The following DENND1A variants were observed in gnomAD, a reference collection of about 807,000 sequenced individuals.
The protein encoded by DENND1A is DENN domain-containing protein 1A.
In DENND1A, 51 loss-of-function variants were observed where a neutral mutation model predicts 113.7. The ratio of observed to expected loss-of-function variants is 0.45; its 90% CI spans 0.36 to 0.57. The LOEUF (loss-of-function observed/expected upper bound fraction) is 0.57, where lower values mean the gene tolerates loss of function less well. DENND1A is among the 20% of genes least tolerant of loss of function. The pLI, the probability that DENND1A is intolerant of heterozygous loss-of-function variation, is 0.00. For synonymous variants in DENND1A, 565 were observed against 570.8 expected (o/e 0.99, Z 0.14); for missense variants, 1,258 against 1,395.9 (o/e 0.90, Z 1.57).
At chr9:123,401,807 A>G in intron 21 of DENND1A, 1 of 1,614,216 alleles carries the variant, frequency 6.2e-7, no homozygotes, top group Non-Finnish European at 8.5e-7. Flanking sequence ...GCAACGGCGT[A>G]AGTCAATGTG....
chr9:123,896,538 A>G (rs1850790190), intron 1 of DENND1A, among the ~76,000 whole-genome samples: 1 of 152,140 alleles, frequency 6.6e-6, no homozygotes, highest in South Asian at 2.1e-4. Context: ...CATAAATAAG[A>G]ACCTCAGAAA....
At chr9:123,802,830 G>A (rs1259197429) in intron 2 of DENND1A, among the ~76,000 whole-genome samples, 1 of 151,960 alleles carries the variant, frequency 6.6e-6, no homozygotes, top group Non-Finnish European at 1.5e-5. Context: ...AGCCTCCCAA[G>A]TAGCTGGGAT....
At chr9:123,704,486 T>C (rs1369896880) in intron 5 of DENND1A, among the ~76,000 whole-genome samples, 2 of 152,178 alleles carry the variant, frequency 1.3e-5, no homozygotes, top group African/African-American at 2.4e-5. Flanking sequence ...GCAATCCAAA[T>C]TCACCCATCG....
chr9:123,638,198 C>A (rs1237079369), intron 9 of DENND1A, among the ~76,000 whole-genome samples: 1 of 152,054 alleles, frequency 6.6e-6, no homozygotes, highest in East Asian at 1.9e-4. Context: ...ACTAAAACTG[C>A]CAGAGAAAAG....
chr9:123,876,653 G>A (rs182170159), intron 2 of DENND1A, among the ~76,000 whole-genome samples: 54 of 152,216 alleles, frequency 3.5e-4, no homozygotes, highest in African/African-American at 1.1e-3. Context: ...AAGAGCATAC[G>A]CACTGGACTG....
intron 7 of DENND1A, among the ~76,000 whole-genome samples, chr9:123,669,738 G>A (rs1488590655): frequency 1.3e-5 from 2 of 152,078 alleles, no homozygotes; most frequent in Non-Finnish European, 2.9e-5. Context: ...ACTGGGGCAG[G>A]TTTAAAGCTC....
Position 123,881,285 on chromosome 9 carries a change from C to G in DENND1A, c.18-2264G>C, listed in dbSNP as rs116844212. On this transcript the variant is annotated intron_variant, in intron 1 of 23. Transcript: ENST00000394215. ...ATCTTGGCATCTTTGGCATATGGGA[C>G]CAAATATTTGTGGAAAATACCATAT... Among the ~76,000 whole-genome samples, 405 of 152,076 alleles carry G rather than the reference C, an allele frequency of 2.7e-3. 1 individual carries two copies. Among genetic ancestry groups the G allele is most frequent in the Non-Finnish European group, 4.7e-3 (321 of 67,994 alleles).
intron 11 of DENND1A, among the ~76,000 whole-genome samples, chr9:123,602,388 G>T (rs1269320357): frequency 6.6e-6 from 1 of 151,580 alleles, no homozygotes; most frequent in Non-Finnish European, 1.5e-5. Flanking sequence ...AAATATTTTT[G>T]ATCTGTGGTT....
chr9:123,577,034 A>C (rs2136520965), intron 12 of DENND1A, among the ~76,000 whole-genome samples: 1 of 152,268 alleles, frequency 6.6e-6, no homozygotes, highest in Non-Finnish European at 1.5e-5. Context: ...AAATTGAAAA[A>C]AAAATCAGCT....
At chr9:123,600,385 C>T (rs957263110) in intron 11 of DENND1A, among the ~76,000 whole-genome samples, 2 of 152,126 alleles carry the variant, frequency 1.3e-5, no homozygotes, top group Non-Finnish European at 2.9e-5. Flanking sequence ...GGGGCAACTA[C>T]CTATTTTACC....
At chr9:123,587,021 T>C (rs1018194285) in intron 11 of DENND1A, among the ~76,000 whole-genome samples, 5 of 151,586 alleles carry the variant, frequency 3.3e-5, no homozygotes, top group African/African-American at 9.7e-5. Context: ...ATCGGCAGGT[T>C]GAGAAATAAT....
At chr9:123,476,404 C>T (rs770801537) in intron 13 of DENND1A, among the ~76,000 whole-genome samples, 1 of 152,160 alleles carries the variant, frequency 6.6e-6, no homozygotes, top group Non-Finnish European at 1.5e-5. Context: ...AGTCTCCAGC[C>T]TTCCATGGTG....
At chr9:123,392,291 A>C (rs977012400) in intron 21 of DENND1A, among the ~76,000 whole-genome samples, 2 of 152,218 alleles carry the variant, frequency 1.3e-5, no homozygotes, top group African/African-American at 4.8e-5. Flanking sequence ...ACGCTGGCCC[A>C]AAATGAAATG....
At chr9:123,636,254 C>A (rs2061693102) in intron 9 of DENND1A, among the ~76,000 whole-genome samples, 1 of 152,140 alleles carries the variant, frequency 6.6e-6, no homozygotes, top group African/African-American at 2.4e-5. Context: ...TAGATGACCC[C>A]AGGTGACCAG....
chr9:123,702,081 G>A (rs2065915928), intron 5 of DENND1A, among the ~76,000 whole-genome samples: 1 of 151,926 alleles, frequency 6.6e-6, no homozygotes, highest in African/African-American at 2.4e-5. Flanking sequence ...TAAGTGACCA[G>A]AATTAGAAAT....
In DENND1A at chr9:123,466,852, C is replaced by T. The variant is rs572484619; in HGVS notation, c.994-8955G>A. On this transcript the variant is annotated intron_variant, in intron 13 of 23. Coordinates refer to ENST00000394215, the MANE Select transcript of DENND1A (RefSeq NM_001352964.2). Reference sequence around the variant, plus strand: ...GAGTTTGAGACCAGCCTGGGCAACACAGAGAGACCCCGTCTAGACCCCATC... The same window carrying T: ...GAGTTTGAGACCAGCCTGGGCAACATAGAGAGACCCCGTCTAGACCCCATC... Among the ~76,000 whole-genome samples, 9 of 148,576 alleles carry T rather than the reference C, an allele frequency of 6.1e-5. No individual in the cohort carries two copies. The South Asian group carries it at 1.9e-3, about 32-fold the overall frequency.
chr9:123,415,418 G>C (rs947574224), intron 19 of DENND1A, among the ~76,000 whole-genome samples: 1 of 152,162 alleles, frequency 6.6e-6, no homozygotes, highest in African/African-American at 2.4e-5. Context: ...GCGCATTGAA[G>C]ACCCTCCACC....
At chr9:123,837,264 A>C (rs1841174454) in intron 2 of DENND1A, among the ~76,000 whole-genome samples, 1 of 152,172 alleles carries the variant, frequency 6.6e-6, no homozygotes, top group East Asian at 1.9e-4. Context: ...CACTACATTC[A>C]CAGACACCAG....
chr9:123,794,616 A>G lies in DENND1A; in HGVS notation c.89-1986T>C, dbSNP rs552207688. On this transcript the variant is annotated intron_variant, in intron 2 of 23. Coordinates refer to ENST00000394215, the MANE Select transcript of DENND1A (RefSeq NM_001352964.2). The stretch of plus-strand genomic sequence containing the variant: ...AAACAAAACCAAAGACTACTTTTCT[A>G]TCACCATTTTGTGAAAGACTATATG... Among the ~76,000 whole-genome samples, 3 of 152,318 alleles carry G rather than the reference A, an allele frequency of 2.0e-5. No individual in the cohort carries two copies. The East Asian group carries it at 5.8e-4, about 29-fold the overall frequency.
Sources: allele counts gnomAD v4.1 joint callset (sites outside exome capture counted in the v4.1 genomes callset), GRCh38; gene constraint gnomAD v4.1.1; transcripts MANE v1.5; gene names NCBI Gene and HGNC (gene_info 2026-07-23, HGNC 2026-07-21).